The following GALNT17 variants were observed in gnomAD, a reference collection of about 807,000 sequenced individuals.
GALNT17 encodes the protein polypeptide N-acetylgalactosaminyltransferase 17, also known as UDP-GalNAc:polypeptide N-acetylgalactosaminyltransferase-like 3.
In GALNT17, 29 loss-of-function variants were observed where a neutral mutation model predicts 63.7. That is an observed-to-expected ratio of 0.46 (90% confidence interval 0.34 to 0.62). The LOEUF is 0.62. GALNT17 is among the 20% of genes least tolerant of loss of function. GALNT17 has a pLI of 0.01. For synonymous variants in GALNT17, 305 were observed against 318.3 expected (o/e 0.96, Z 0.45); for missense variants, 603 against 799.6 (o/e 0.75, Z 2.97).
intron 3 of GALNT17, among the ~76,000 whole-genome samples, chr7:71,402,012 G>A (rs1793249685): frequency 6.6e-6 from 1 of 152,200 alleles, no homozygotes; most frequent in Non-Finnish European, 1.5e-5. Context: ...AGCATGGGGA[G>A]GAAAGAGAGG....
intron 2 of GALNT17, among the ~76,000 whole-genome samples, chr7:71,384,504 A>G (rs1438067562): frequency 6.6e-6 from 1 of 152,174 alleles, no homozygotes; most frequent in Non-Finnish European, 1.5e-5. Context: ...TTTCCGTCCC[A>G]TGTTGCCTTC....
intron 1 of GALNT17, among the ~76,000 whole-genome samples, chr7:71,199,805 T>TCATC (rs1242246958): frequency 2.6e-5 from 4 of 151,000 alleles, no homozygotes; most frequent in Non-Finnish European, 4.4e-5. Flanking sequence ...TATTCATCCA[T>TCATC]CATCCATCCA....
intron 6 of GALNT17, among the ~76,000 whole-genome samples, chr7:71,660,539 C>T (rs141200915): frequency 6.2e-4 from 94 of 152,296 alleles, no homozygotes; most frequent in South Asian, 1.9e-3. Flanking sequence ...AGAATAGATC[C>T]GCAGGACCCT....
At chr7:71,603,426 A>G (rs1402397736) in intron 6 of GALNT17, among the ~76,000 whole-genome samples, 4 of 152,122 alleles carry the variant, frequency 2.6e-5, no homozygotes, top group Non-Finnish European at 4.4e-5. Flanking sequence ...TGCTAAGTGC[A>G]TATACCAGAT....
intron 5 of GALNT17, among the ~76,000 whole-genome samples, chr7:71,556,100 A>G (rs1227084398): frequency 6.6e-6 from 1 of 152,178 alleles, no homozygotes; most frequent in Non-Finnish European, 1.5e-5. Context: ...AAATTATTAT[A>G]CTCTTTTATT....
chr7:71,177,164 G>A lies in GALNT17; in HGVS notation c.238+44124G>A, dbSNP rs911102936. ...GCCAAGCTACTGTCCTCATATGTTC[G>A]AGGACATTTACAGACACTGATCTCT... On this transcript the variant is annotated intron_variant, in intron 1 of 10. Transcript: ENST00000333538. Among the ~76,000 whole-genome samples, 22 of 152,068 alleles carry A rather than the reference G, an allele frequency of 1.4e-4. 1 individual carries two copies. Among genetic ancestry groups the A allele is most frequent in the Admixed American group, 1.3e-3 (20 of 15,256 alleles).
At chr7:71,339,217 A>G (rs1169789897) in intron 2 of GALNT17, among the ~76,000 whole-genome samples, 1 of 152,220 alleles carries the variant, frequency 6.6e-6, no homozygotes, top group Admixed American at 6.5e-5. Flanking sequence ...AGACACTTGG[A>G]TGAAGCACAG....
At chr7:71,367,594 C>G (rs1314004020) in intron 2 of GALNT17, among the ~76,000 whole-genome samples, 2 of 152,150 alleles carry the variant, frequency 1.3e-5, no homozygotes, top group African/African-American at 4.8e-5. Context: ...ATGCCTGAGG[C>G]CACCGGGAAA....
chr7:71,699,271 A>G (rs1791591932), intron 9 of GALNT17, among the ~76,000 whole-genome samples: 1 of 151,720 alleles, frequency 6.6e-6, no homozygotes, highest in African/African-American at 2.4e-5. Context: ...CGAGGTCAAG[A>G]TATCGATACC....
chr7:71,198,716 C>T (rs1202647), intron 1 of GALNT17, among the ~76,000 whole-genome samples: 50,867 of 152,024 alleles, frequency 0.33, 10,194 homozygotes, highest in African/African-American at 0.56. Flanking sequence ...GTGGTGTGGC[C>T]GAACATTCAG....
intron 1 of GALNT17, among the ~76,000 whole-genome samples, chr7:71,321,921 TCCCCTCCCTC>T (rs1791620533): frequency 6.2e-5 from 2 of 32,230 alleles, no homozygotes; most frequent in Admixed American, 3.3e-4. Flanking sequence ...CTTCCTTCCT[TCCCCTCCCTC>T]CCTCCCTCCC....
intron 1 of GALNT17, among the ~76,000 whole-genome samples, chr7:71,228,864 G>C (rs1193342215): frequency 3.3e-5 from 5 of 152,126 alleles, no homozygotes; most frequent in Non-Finnish European, 4.4e-5. Flanking sequence ...TGGGTTCCAG[G>C]GATCAGGACT....
chr7:71,453,235 G>A (rs993812467), intron 5 of GALNT17, among the ~76,000 whole-genome samples: 2 of 152,094 alleles, frequency 1.3e-5, no homozygotes, highest in African/African-American at 4.8e-5. Flanking sequence ...TTATATTCCA[G>A]GTATCTTTTG....
Position 71,132,527 on chromosome 7 carries a change from A to C in GALNT17, c.-276A>C. The stretch of plus-strand genomic sequence containing the variant: ...CTCAAATCCCTGGCCTTTCGCGGAG[A>C]CGCCTGGACGGGGCCGTGCGCCGTG... On this transcript the variant is annotated 5_prime_UTR_variant, in exon 1 of 11. Coordinates refer to ENST00000333538, the MANE Select transcript of GALNT17 (RefSeq NM_022479.3). The C allele has an allele frequency of 2.4e-6, 1 of 415,822 alleles. No individual in the cohort carries two copies. The allele number at this position is 415,822 out of a possible 1,614,324, so 25.8% of individuals were successfully genotyped here.
intron 2 of GALNT17, among the ~76,000 whole-genome samples, chr7:71,376,335 G>T (rs1792723928): frequency 6.7e-6 from 1 of 150,122 alleles, no homozygotes; most frequent in South Asian, 2.1e-4. Context: ...TTTAGCTCTG[G>T]CCTGAAACTG....
chr7:71,358,567 T>A (rs1792335546), intron 2 of GALNT17, among the ~76,000 whole-genome samples: 1 of 152,148 alleles, frequency 6.6e-6, no homozygotes, highest in Admixed American at 6.5e-5. Flanking sequence ...TTTCCTAGAT[T>A]TTCCTTGCGC....
chr7:71,211,622 A>G (rs537951390), intron 1 of GALNT17, among the ~76,000 whole-genome samples: 8 of 152,332 alleles, frequency 5.3e-5, no homozygotes, highest in African/African-American at 1.2e-4. Flanking sequence ...AATGTGGGAA[A>G]GTTTGGAACT....
intron 6 of GALNT17, among the ~76,000 whole-genome samples, chr7:71,651,308 C>CTT (rs113437232): frequency 0.014 from 1,839 of 133,898 alleles, 18 homozygotes; most frequent in Non-Finnish European, 0.023. Flanking sequence ...ACTTTTTAGG[C>CTT]TTTTTTTTTT....
chr7:71,303,352 G>C (rs1416120846), intron 1 of GALNT17, among the ~76,000 whole-genome samples: 1 of 151,922 alleles, frequency 6.6e-6, no homozygotes, highest in Non-Finnish European at 1.5e-5. Flanking sequence ...ATGGGATCTC[G>C]CCATGTTGTC....
Sources: allele counts gnomAD v4.1 joint callset (sites outside exome capture counted in the v4.1 genomes callset), GRCh38; gene constraint gnomAD v4.1.1; transcripts MANE v1.5; gene names NCBI Gene and HGNC (gene_info 2026-07-23, HGNC 2026-07-21).